The following LUZP2 variants were observed in gnomAD, a reference collection of about 807,000 sequenced individuals.
LUZP2 encodes the protein leucine zipper protein 2.
In LUZP2, 52 loss-of-function variants were observed where a neutral mutation model predicts 51.6. The ratio of observed to expected loss-of-function variants is 1.01; its 90% CI spans 0.81 to 1.27. LUZP2 has a LOEUF of 1.27. Ranked by LOEUF, LUZP2 falls within the 50% of genes most tolerant of loss-of-function variation. The pLI, the probability that LUZP2 is intolerant of heterozygous loss-of-function variation, is 0.00. For synonymous variants in LUZP2, 154 were observed against 137.3 expected (o/e 1.12, Z -0.85); for missense variants, 436 against 395.4 (o/e 1.10, Z -0.87).
chr11:24,517,975 T>C (rs1168823350), intron 1 of LUZP2, among the ~76,000 whole-genome samples: 1 of 152,148 alleles, frequency 6.6e-6, no homozygotes, highest in Non-Finnish European at 1.5e-5. Flanking sequence ...CAGGGATTAT[T>C]TTTGAAATAT....
intron 1 of LUZP2, among the ~76,000 whole-genome samples, chr11:24,557,981 G>C (rs929427357): frequency 2.0e-5 from 3 of 152,076 alleles, no homozygotes; most frequent in African/African-American, 7.2e-5. Flanking sequence ...AGAGGAGATT[G>C]GTGTGTGAGT....
intron 5 of LUZP2, among the ~76,000 whole-genome samples, chr11:24,838,518 C>A (rs1249992052): frequency 6.6e-6 from 1 of 151,578 alleles, no homozygotes; most frequent in East Asian, 1.9e-4. Context: ...GTTTTTCTTG[C>A]AAAAACCTCA....
intron 9 of LUZP2, among the ~76,000 whole-genome samples, chr11:25,009,726 A>G (rs764761247): frequency 6.6e-6 from 1 of 152,188 alleles, no homozygotes; most frequent in African/African-American, 2.4e-5. Flanking sequence ...CACATTCTTT[A>G]CATTTAAGAG....
intron 7 of LUZP2, among the ~76,000 whole-genome samples, chr11:24,935,888 T>C (rs1854572607): frequency 6.6e-6 from 1 of 152,174 alleles, no homozygotes; most frequent in African/African-American, 2.4e-5. Flanking sequence ...CTAATGGTGA[T>C]GCCAATATAA....
chr11:24,618,240 T>G (rs1854360693), intron 1 of LUZP2, among the ~76,000 whole-genome samples: 1 of 152,192 alleles, frequency 6.6e-6, no homozygotes, highest in Non-Finnish European at 1.5e-5. Context: ...AGGAAAAATG[T>G]TTCATTACTG....
chr11:24,820,214 G>C (rs2716482), intron 5 of LUZP2, among the ~76,000 whole-genome samples: 1 of 151,950 alleles, frequency 6.6e-6, no homozygotes, highest in Non-Finnish European at 1.5e-5. Context: ...ATAACATTTC[G>C]TCAGGGAGGT....
intron 1 of LUZP2, 101 bp downstream of exon 1, chr11:24,497,406 T>C (rs1849859496): frequency 1.3e-6 from 1 of 766,720 alleles, no homozygotes; most frequent in Admixed American, 4.0e-5. Context: ...TTCAGCTGTT[T>C]GCATCTCCCG....
At chr11:24,585,230 A>G (rs1565007985) in intron 1 of LUZP2, among the ~76,000 whole-genome samples, 1 of 152,176 alleles carries the variant, frequency 6.6e-6, no homozygotes, top group Non-Finnish European at 1.5e-5. Context: ...TTCGGTGTTT[A>G]TTTAACTGAC....
chr11:24,708,780 G>C (rs149817822), intron 1 of LUZP2, among the ~76,000 whole-genome samples: 1 of 152,254 alleles, frequency 6.6e-6, no homozygotes, highest in Non-Finnish European at 1.5e-5. Context: ...GAATAACAGT[G>C]CTCTAGAGGA....
At chr11:24,710,939 G>A (rs1198775284) in intron 1 of LUZP2, among the ~76,000 whole-genome samples, 1 of 149,198 alleles carries the variant, frequency 6.7e-6, no homozygotes. Flanking sequence ...CAGGAAGGGA[G>A]GAAGGAAGGA....
chr11:24,533,537 G>C (rs1176651634), intron 1 of LUZP2, among the ~76,000 whole-genome samples: 2 of 150,932 alleles, frequency 1.3e-5, no homozygotes, highest in Admixed American at 1.3e-4. Flanking sequence ...TTCTTCTGAC[G>C]TACTTTCAAA....
chr11:24,821,904 A>T (rs1850371786), intron 5 of LUZP2, among the ~76,000 whole-genome samples: 1 of 150,250 alleles, frequency 6.7e-6, no homozygotes, highest in South Asian at 2.1e-4. Context: ...AAAGCTTCTG[A>T]TTTATTAATA....
chr11:24,909,980 A>C (rs1427504463), intron 6 of LUZP2, among the ~76,000 whole-genome samples: 1 of 152,140 alleles, frequency 6.6e-6, no homozygotes, highest in African/African-American at 2.4e-5. Flanking sequence ...GTTTGACCAA[A>C]ATGCTGATAA....
intron 10 of LUZP2, among the ~76,000 whole-genome samples, chr11:25,074,487 T>G (rs1477915428): frequency 6.6e-6 from 1 of 152,134 alleles, no homozygotes; most frequent in African/African-American, 2.4e-5. Context: ...ATGTAGTAAG[T>G]TTTCATTATT....
intron 9 of LUZP2, among the ~76,000 whole-genome samples, chr11:24,984,970 T>C (rs1421314734): frequency 5.3e-5 from 8 of 151,670 alleles, no homozygotes; most frequent in Non-Finnish European, 7.4e-5. Flanking sequence ...CATTGATCTG[T>C]TTAATGTTAT....
At chr11:24,785,385 A>T (rs1459107714) in intron 5 of LUZP2, among the ~76,000 whole-genome samples, 1 of 152,060 alleles carries the variant, frequency 6.6e-6, no homozygotes, top group Non-Finnish European at 1.5e-5. Flanking sequence ...GTGTGTTAAA[A>T]AGGTATGCCA....
intron 4 of LUZP2, chr11:24,762,780 T>G (rs1197025882): frequency 1.3e-5 from 2 of 153,108 alleles, no homozygotes; most frequent in African/African-American, 4.8e-5. Flanking sequence ...CATCATGGTG[T>G]CTTCGGTAGA....
intron 8 of LUZP2, among the ~76,000 whole-genome samples, chr11:24,977,380 C>T (rs1327297336): frequency 2.0e-5 from 3 of 151,406 alleles, no homozygotes; most frequent in African/African-American, 7.3e-5. Flanking sequence ...TTAAAAATTA[C>T]ATACAATGTA....
chr11:24,569,317 T>A (rs909359594), intron 1 of LUZP2, among the ~76,000 whole-genome samples: 1 of 152,038 alleles, frequency 6.6e-6, no homozygotes, highest in African/African-American at 2.4e-5. Flanking sequence ...GAACTCAAAA[T>A]AAAAATGGTA....
Sources: gnomAD v4.1 joint callset for allele counts (sites outside exome capture counted in the v4.1 genomes callset) on GRCh38, gnomAD v4.1.1 for gene constraint, MANE v1.5 for transcripts, NCBI Gene and HGNC (gene_info 2026-07-23, HGNC 2026-07-21) for gene names.